MARCHF4: variants seen among roughly 807,000 people sequenced by gnomAD.
MARCHF4 encodes membrane associated ring-CH-type finger 4.
MARCHF4 carries 14 observed loss-of-function variants against 43.9 expected under a neutral mutation model. The observed-to-expected ratio is 0.32, with a 90% confidence interval of 0.21 to 0.50. The LOEUF is 0.50. MARCHF4 is among the 20% of genes least tolerant of loss of function. The pLI is 0.98. For missense variants in MARCHF4, 468 were observed against 536.7 expected (o/e 0.87, Z 1.27); for synonymous variants, 226 against 213.3 (o/e 1.06, Z -0.52).
Position 216,331,096 on chromosome 2 carries a change from G to A in MARCHF4, c.516+38649C>T, listed in dbSNP as rs1692075731. On this transcript the variant is annotated intron_variant, in intron 1 of 3. Coordinates refer to ENST00000273067, the MANE Select transcript of MARCHF4 (RefSeq NM_020814.3). ...AACGCCAAATTTTGGTCTTTGAAAA[G>A]ACTAATAAAAATGAATTGATCTCTA... Among the ~76,000 whole-genome samples the A allele has an allele frequency of 2.0e-5, 3 of 151,948 alleles. No homozygotes were observed. In the South Asian group the frequency reaches 6.2e-4, roughly 31 times the overall value.
At chr2:216,277,608 G>A (rs150220112) in intron 3 of MARCHF4, 64 bp downstream of exon 3, 1 of 1,476,778 alleles carries the variant, frequency 6.8e-7, no homozygotes, top group Non-Finnish European at 9.2e-7. Context: ...GGATCCTGAG[G>A]GATCTGTCCA....
intron 1 of MARCHF4, among the ~76,000 whole-genome samples, chr2:216,294,064 A>G (rs1318620057): frequency 6.6e-6 from 1 of 152,256 alleles, no homozygotes; most frequent in East Asian, 1.9e-4. Context: ...CATAATTTAG[A>G]TAAATCTTGC....
chr2:216,341,697 T>C (rs1469646896), intron 1 of MARCHF4, among the ~76,000 whole-genome samples: 3 of 152,176 alleles, frequency 2.0e-5, no homozygotes, highest in Non-Finnish European at 4.4e-5. Context: ...GGAATCTTAC[T>C]CTAAATCTTT....
Position 216,319,271 on chromosome 2 carries a change from G to T in MARCHF4, c.517-35542C>A, listed in dbSNP as rs566601989. On this transcript the variant is annotated intron_variant, in intron 1 of 3. Coordinates refer to ENST00000273067, the MANE Select transcript of MARCHF4 (RefSeq NM_020814.3). ...TGCAGTGAGCCGAAATCGTGCCACT[G>T]CATTCCAGCCTGGGCAACAGAGTGA... Among the ~76,000 whole-genome samples the T allele has an allele frequency of 2.0e-5, 3 of 152,216 alleles. No homozygotes were observed. In the South Asian group the frequency reaches 6.2e-4, roughly 32 times the overall value.
chr2:216,283,428 C>T (rs924620229), intron 2 of MARCHF4, 146 bp downstream of exon 2: 19 of 862,592 alleles, frequency 2.2e-5, no homozygotes, highest in African/African-American at 1.0e-4. Context: ...TCCTGCCCCA[C>T]GCCGCCCACC....
chr2:216,259,772 T>C (rs1310150433), intron 3 of MARCHF4, 93 bp from the exon 4 acceptor site: 24 of 1,287,858 alleles, frequency 1.9e-5, no homozygotes, highest in East Asian at 2.3e-5. Flanking sequence ...ATGCAAGGTA[T>C]GGGCAATGGC....
rs114248391 is a variant in MARCHF4 at position 216,315,255 on chromosome 2, A to T, written c.517-31526T>A. Among the ~76,000 whole-genome samples, 315 of 152,348 alleles carry T rather than the reference A, an allele frequency of 2.1e-3. 2 individuals are homozygous for T. The highest frequency in any genetic ancestry group is 7.5e-3 in the African/African-American group (310 of 41,584). ...TTGTTTACTCCTGATAGTGGCAGAG[A>T]TTTAAAAGAATGGTAATTCACAGAA... is the stretch of plus-strand genomic sequence containing the variant. On this transcript the variant is annotated intron_variant, in intron 1 of 3. Coordinates refer to ENST00000273067, the MANE Select transcript of MARCHF4 (RefSeq NM_020814.3).
chr2:216,302,373 C>T (rs1309453234), intron 1 of MARCHF4, among the ~76,000 whole-genome samples: 1 of 145,162 alleles, frequency 6.9e-6, no homozygotes, highest in Non-Finnish European at 1.5e-5. Flanking sequence ...CGCCTGCCAC[C>T]ACGCCCATCT....
At chr2:216,369,380 T>C (rs1337134667) in intron 1 of MARCHF4, among the ~76,000 whole-genome samples, 2 of 152,250 alleles carry the variant, frequency 1.3e-5, no homozygotes, top group Non-Finnish European at 2.9e-5. Flanking sequence ...GAAATGTTAC[T>C]AACAACAAGT....
intron 1 of MARCHF4, among the ~76,000 whole-genome samples, chr2:216,361,829 G>A (rs986753443): frequency 1.3e-5 from 2 of 152,204 alleles, no homozygotes; most frequent in African/African-American, 4.8e-5. Flanking sequence ...AAGCAACAGT[G>A]TGATCTGAGG....
chr2:216,366,569 T>C (rs577564540), intron 1 of MARCHF4, among the ~76,000 whole-genome samples: 110 of 152,306 alleles, frequency 7.2e-4, no homozygotes, highest in African/African-American at 2.6e-3. Context: ...ACATTCACGC[T>C]TTTGAACTTG....
chr2:216,323,224 A>G (rs528937717), intron 1 of MARCHF4, among the ~76,000 whole-genome samples: 91 of 152,282 alleles, frequency 6.0e-4, no homozygotes, highest in African/African-American at 2.1e-3. Context: ...CAATCATCCA[A>G]ATGAGTGGGT....
intron 1 of MARCHF4, among the ~76,000 whole-genome samples, chr2:216,294,287 G>C (rs1378865496): frequency 6.6e-6 from 1 of 152,272 alleles, no homozygotes; most frequent in Non-Finnish European, 1.5e-5. Flanking sequence ...AGGGATCCCA[G>C]CCTCAGCTGT....
intron 3 of MARCHF4, chr2:216,265,503 CTT>C (rs112786231): frequency 1.4e-5 from 2 of 146,840 alleles, no homozygotes; most frequent in Non-Finnish European, 3.0e-5. Context: ...GCTTTTTACA[CTT>C]TTTTTTTTTT....
chr2:216,368,537 A>G (rs1371234327), intron 1 of MARCHF4, among the ~76,000 whole-genome samples: 1 of 152,234 alleles, frequency 6.6e-6, no homozygotes, highest in Non-Finnish European at 1.5e-5. Context: ...TTGTCCATTG[A>G]GAGCAAAGCA....
At chr2:216,271,072 T>C (rs1021488732) in intron 3 of MARCHF4, among the ~76,000 whole-genome samples, 1 of 152,220 alleles carries the variant, frequency 6.6e-6, no homozygotes, top group African/African-American at 2.4e-5. Context: ...TCTGATCATA[T>C]TTCCCCATTC....
At chr2:216,316,966 C>T (rs1691787645) in intron 1 of MARCHF4, among the ~76,000 whole-genome samples, 4 of 152,064 alleles carry the variant, frequency 2.6e-5, no homozygotes, top group Admixed American at 2.6e-4. Context: ...CTAAGCATGA[C>T]CAGCATGGGA....
At chr2:216,325,962 G>A (rs1224707006) in intron 1 of MARCHF4, among the ~76,000 whole-genome samples, 1 of 148,962 alleles carries the variant, frequency 6.7e-6, no homozygotes, top group Non-Finnish European at 1.5e-5. Context: ...TGACAAATGG[G>A]ATCTAATTAA....
chr2:216,259,520 G>A lies in MARCHF4; in HGVS notation c.1025C>T (p.Ala342Val). Residue 342 changes from alanine (A) to valine (V), a missense_variant, in exon 4 of 4, where the codon GCC becomes GTC. Coordinates refer to ENST00000273067, the MANE Select transcript of MARCHF4 (RefSeq NM_020814.3). Reference protein sequence around the residue: ...TNPRTSSSTQANIPSSEEETA... With the variant: ...TNPRTSSSTQVNIPSSEEETA... ...CTCCTCTTCCGAGGAGGGGATATTG[G>A]CCTGGGTGGATGAGGAGGTCCGGGG... 6.2e-7 allele frequency: 1 copy of A among 1,614,204 alleles called. No individual in the cohort carries two copies. The highest frequency in any genetic ancestry group is 8.5e-7 in the Non-Finnish European group (1 of 1,180,024).
Sources: allele counts gnomAD v4.1 joint callset (sites outside exome capture counted in the v4.1 genomes callset), GRCh38; gene constraint gnomAD v4.1.1; transcripts MANE v1.5; gene names NCBI Gene and HGNC (gene_info 2026-07-23, HGNC 2026-07-21).